The following ANKDD1B variants were observed in gnomAD, a reference collection of about 807,000 sequenced individuals.
The protein encoded by ANKDD1B is ankyrin repeat and death domain containing 1B.
A neutral mutation model predicts 59.7 loss-of-function variants in ANKDD1B; 57 were observed. The observed-to-expected ratio is 0.95, with a 90% CI of 0.77 to 1.19. The LOEUF (loss-of-function observed/expected upper bound fraction) is 1.19, where lower values mean the gene tolerates loss of function less well. Ranked by LOEUF, ANKDD1B falls within the 50% of genes most tolerant of loss-of-function variation. ANKDD1B has a pLI of 0.00. For missense variants in ANKDD1B, 602 were observed against 641.9 expected, an observed-to-expected ratio of 0.94 and a Z score of 0.67; for synonymous variants, 216 against 239.5, an observed-to-expected ratio of 0.90 and a Z score of 0.91.
intron 7 of ANKDD1B, among the ~76,000 whole-genome samples, chr5:75,642,239 A>G (rs191263123): frequency 1.3e-5 from 2 of 152,292 alleles, no homozygotes; most frequent in Non-Finnish European, 2.9e-5. Flanking sequence ...GGGAGGTGGG[A>G]GGAGCCAAGA....
Position 75,622,341 on chromosome 5 carries a change from A to G in ANKDD1B, c.396+1928A>G, listed in dbSNP as rs1456803814. ...GGCCTTAATCAGAATCTGCATTTTTAAAAAATTCCTAGGTGATTGTTTTTG... is the reference window on the plus strand; with the variant it reads ...GGCCTTAATCAGAATCTGCATTTTTGAAAAATTCCTAGGTGATTGTTTTTG... On this transcript the variant is annotated intron_variant, in intron 3 of 13. Transcript: ENST00000601380. Among the ~76,000 whole-genome samples, 3 of 152,198 alleles carry G rather than the reference A, an allele frequency of 2.0e-5. No homozygotes were observed. In the East Asian group the frequency reaches 5.8e-4, roughly 29 times the overall value.
intron 5 of ANKDD1B, 187 bp from the exon 6 acceptor site, chr5:75,634,711 C>T: frequency 1.9e-6 from 1 of 527,684 alleles, no homozygotes; most frequent in Non-Finnish European, 3.4e-6. Context: ...GATGTGGAGT[C>T]TCCCACAGTT....
chr5:75,635,373 TA>T (rs34419032), intron 6 of ANKDD1B: 113,177 of 191,626 alleles, frequency 0.59, 38,238 homozygotes, highest in Non-Finnish European at 0.72. Flanking sequence ...ATGACTTTCT[TA>T]GGAGAAATTC....
At chr5:75,662,625 A>G (rs1008868417) in intron 10 of ANKDD1B, among the ~76,000 whole-genome samples, 4 of 152,134 alleles carry the variant, frequency 2.6e-5, no homozygotes, top group Admixed American at 1.3e-4. Context: ...GGTGCACTCT[A>G]TGAAATCCAG....
chr5:75,630,231 A>G (rs1422806158), intron 5 of ANKDD1B, among the ~76,000 whole-genome samples: 1 of 152,196 alleles, frequency 6.6e-6, no homozygotes, highest in Non-Finnish European at 1.5e-5. Flanking sequence ...AAGAAACTAT[A>G]TTGTTTAAAA....
intron 13 of ANKDD1B, 74 bp downstream of exon 13, chr5:75,669,457 C>A: frequency 8.4e-7 from 1 of 1,192,366 alleles, no homozygotes; most frequent in Non-Finnish European, 1.0e-6. Flanking sequence ...AAATATCATC[C>A]TGACCAGCTA....
At position 75,611,489 on chromosome 5, in the gene ANKDD1B, G is replaced by C. The variant is rs1485796416; in HGVS notation, c.-146G>C. 7.5e-6 allele frequency: 4 copies of C among 536,388 alleles called. No individual in the cohort carries two copies. The highest frequency in any genetic ancestry group is 8.8e-5 in the Admixed American group (2 of 22,856). 33.2% of individuals were successfully genotyped at this position (536,388 alleles called of 1,614,324 possible). On this transcript the variant is annotated 5_prime_UTR_variant, in exon 1 of 14. Coordinates refer to ENST00000601380, the MANE Select transcript of ANKDD1B (RefSeq NM_001276713.2). ...AACCGCCACAACAGAGAGCGGACTC[G>C]ATCCTGCGCTCCGGCCGGGCTGACC...
chr5:75,625,864 C>T lies in ANKDD1B; in HGVS notation c.509C>T (p.Ala170Val), dbSNP rs1773981816. 2.0e-6 allele frequency: 3 copies of T among 1,536,240 alleles called. No homozygotes were observed. Among genetic ancestry groups the T allele is most frequent in the Middle Eastern group, 1.7e-4 (1 of 5,994 alleles). ...GGTTCTCTTCAGGATGGAATGAGCG[C>T]CCTCCACTTTGCCACTCAGAGCAAT... is the stretch of plus-strand genomic sequence containing the variant. ...QRAKNQDGMSALHFATQSNHV... is the reference protein window; with the variant it reads ...QRAKNQDGMSVLHFATQSNHV... The change falls in exon 5 of 14, where the codon GCC (alanine) becomes GTC (valine). Residue 170 changes from alanine to valine, a missense_variant. Around this residue, in one of 3 missense-constraint regions of ANKDD1B, gnomAD observed 317 missense variants for 304.6 expected, o/e 1.04. Transcript: ENST00000601380.
chr5:75,616,999 A>C, intron 2 of ANKDD1B, 92 bp downstream of exon 2: 1 of 607,454 alleles, frequency 1.6e-6, no homozygotes. Context: ...AATAAAAATC[A>C]TGGTGCTGGC....
intron 10 of ANKDD1B, 38 bp from the exon 11 acceptor site, chr5:75,663,356 G>A: frequency 2.1e-6 from 3 of 1,432,362 alleles, no homozygotes; most frequent in Non-Finnish European, 2.9e-6. Context: ...TAATCACTAG[G>A]CCATATCACC....
intron 3 of ANKDD1B, among the ~76,000 whole-genome samples, chr5:75,621,459 A>G (rs1323216808): frequency 6.6e-6 from 1 of 151,014 alleles, no homozygotes; most frequent in Non-Finnish European, 1.5e-5. Context: ...TGTTCCATGC[A>G]TTCTTTTTTT....
intron 9 of ANKDD1B, 107 bp downstream of exon 9, chr5:75,656,234 A>G: frequency 1.8e-6 from 1 of 542,574 alleles, no homozygotes; most frequent in Non-Finnish European, 3.2e-6. Context: ...AATTCCTGGG[A>G]GGAACATGAG....
chr5:75,634,896 A>G lies in ANKDD1B; in HGVS notation c.601-2A>G. On this transcript the variant is annotated splice_acceptor_variant, in intron 5 of 13. Coordinates refer to ENST00000601380, the MANE Select transcript of ANKDD1B (RefSeq NM_001276713.2). LOFTEE classifies it high-confidence loss of function. Reference sequence around the variant, plus strand: ...TGCTTGAGGTTTGTGATTGATTTTTAGAAAGGAAGAAAACCATTTCTTTTG... The same window carrying G: ...TGCTTGAGGTTTGTGATTGATTTTTGGAAAGGAAGAAAACCATTTCTTTTG... 1 of 1,521,338 alleles carries G rather than the reference A, an allele frequency of 6.6e-7. No individual in the cohort carries two copies. The highest frequency in any genetic ancestry group is 8.8e-7 in the Non-Finnish European group (1 of 1,133,666). The allele number at this position is 1,521,338 out of a possible 1,614,324, so 94.2% of individuals were successfully genotyped here. A position where few individuals can be genotyped will look rare whatever the true frequency, so the allele number is the denominator to read the frequency against.
chr5:75,663,315 C>A, intron 10 of ANKDD1B, 79 bp from the exon 11 acceptor site: 3 of 1,067,896 alleles, frequency 2.8e-6, no homozygotes, highest in Admixed American at 2.0e-5. Context: ...AGATTTGAAC[C>A]GAGGCCCCCT....
At chr5:75,639,835 C>A (rs965419801) in intron 7 of ANKDD1B, among the ~76,000 whole-genome samples, 1 of 152,062 alleles carries the variant, frequency 6.6e-6, no homozygotes, top group East Asian at 1.9e-4. Flanking sequence ...TATGTTTTGG[C>A]CTGAATTAAA....
At chr5:75,622,246 G>T (rs1043006456) in intron 3 of ANKDD1B, among the ~76,000 whole-genome samples, 1 of 152,240 alleles carries the variant, frequency 6.6e-6, no homozygotes, top group African/African-American at 2.4e-5. Flanking sequence ...TTAAAGTGTA[G>T]TCCCAGGACT....
intron 2 of ANKDD1B, among the ~76,000 whole-genome samples, chr5:75,619,011 G>T (rs1032436216): frequency 6.6e-6 from 1 of 152,190 alleles, no homozygotes; most frequent in African/African-American, 2.4e-5. Context: ...CTCCCAAAGT[G>T]CTGGGACTAC....
intron 7 of ANKDD1B, among the ~76,000 whole-genome samples, chr5:75,642,458 C>A (rs1236033733): frequency 2.1e-5 from 3 of 140,936 alleles, no homozygotes; most frequent in Admixed American, 7.0e-5. Context: ...TCAGGGAGTT[C>A]CCTTTCCGAG....
Position 75,616,847 on chromosome 5 carries a change from T to C in ANKDD1B, c.237T>C (p.Asn79=). 1 of 1,533,226 alleles carries C rather than the reference T, an allele frequency of 6.5e-7. No individual in the cohort carries two copies. The highest frequency in any genetic ancestry group is 8.7e-7 in the Non-Finnish European group (1 of 1,144,516). 95.0% of individuals were successfully genotyped at this position (1,533,226 alleles called of 1,614,324 possible). A position where few individuals can be genotyped will look rare whatever the true frequency, so the allele number is the denominator to read the frequency against. The change falls in exon 2 of 14, where the codon AAT becomes AAC. Residue 79 remains asparagine (N), a synonymous_variant. Coordinates refer to ENST00000601380, the MANE Select transcript of ANKDD1B (RefSeq NM_001276713.2). Reference sequence around the variant, plus strand: ...GCTTTCAGAATGCTGCTAAAAGCAATAATTTGGATCTTATGGAGAAGCTGT... The same window carrying C: ...GCTTTCAGAATGCTGCTAAAAGCAACAATTTGGATCTTATGGAGAAGCTGT... ...ERSFQNAAKS[N]NLDLMEKLFE...
Sources: allele counts gnomAD v4.1 joint callset (sites outside exome capture counted in the v4.1 genomes callset), GRCh38; gene constraint gnomAD v4.1.1; regional missense constraint gnomAD v4.1.1; transcripts MANE v1.5; gene names NCBI Gene and HGNC (gene_info 2026-07-23, HGNC 2026-07-21).